FRMPD4: variants seen among roughly 807,000 people sequenced by gnomAD.
FRMPD4 encodes the protein FERM and PDZ domain-containing protein 4.
In FRMPD4, 22 loss-of-function variants were observed where a neutral mutation model predicts 94.1. The ratio of observed to expected loss-of-function variants is 0.23; its 90% CI spans 0.17 to 0.33. FRMPD4 has a LOEUF of 0.33. FRMPD4 is among the 10% of genes least tolerant of loss of function. The probability of loss-of-function intolerance (pLI) is 1.00; values close to 1 mark genes in which losing one functional copy is unlikely to be tolerated. For missense variants in FRMPD4, 1,111 were observed against 1,339.9 expected (o/e 0.83, Z 2.67); for synonymous variants, 631 against 548.6 (o/e 1.15, Z -2.10).
chrX:12,273,385 T>C (rs888909811), intron 1 of FRMPD4, among the ~76,000 whole-genome samples: 1 of 112,485 alleles, frequency 8.9e-6, no homozygotes, highest in Admixed American at 9.4e-5. Flanking sequence ...ACAGTATGAC[T>C]TTTTTAAGCA....
chrX:12,560,740 ATCTTTTTTTTTTTTTT>A (rs2058647697), intron 2 of FRMPD4, among the ~76,000 whole-genome samples: 1 of 51,766 alleles, frequency 1.9e-5, no homozygotes, highest in Non-Finnish European at 3.6e-5. Context: ...ACCTCCCCTC[ATCTTTTTTTTTTTTTT>A]TTTTTTTTTT....
chrX:12,643,324 C>T (rs1432810140), intron 4 of FRMPD4, among the ~76,000 whole-genome samples: 6 of 110,894 alleles, frequency 5.4e-5, no homozygotes, highest in African/African-American at 1.6e-4. Flanking sequence ...GGGTTCACTA[C>T]GTTGGCCAGT....
In FRMPD4 at chrX:12,293,355, T is replaced by C. The variant is rs1341013696; in HGVS notation, c.41+154343T>C. On this transcript the variant is annotated intron_variant, in intron 1 of 16. Transcript: ENST00000675598. The stretch of plus-strand genomic sequence containing the variant: ...TGTCTTATACAGTGGAGAATAAATA[T>C]GCAAATTGTTCTATTCTTTGAAATA... Among the ~76,000 whole-genome samples, 5 of 112,605 alleles carry C rather than the reference T, an allele frequency of 4.4e-5. No individual in the cohort carries two copies. The Admixed American group carries it at 4.7e-4, about 11-fold the overall frequency.
At chrX:12,561,065 G>A (rs193262952) in intron 2 of FRMPD4, among the ~76,000 whole-genome samples, 12 of 110,417 alleles carry the variant, frequency 1.1e-4, no homozygotes, top group African/African-American at 3.0e-4. Context: ...CACCGCGCCC[G>A]GCCCCCTCAT....
intron 4 of FRMPD4, among the ~76,000 whole-genome samples, chrX:12,642,959 C>G: frequency 9.0e-6 from 1 of 111,592 alleles, no homozygotes; most frequent in Non-Finnish European, 1.9e-5. Context: ...TGCTTTTGCT[C>G]TATGACTATA....
rs185054184 is a variant in FRMPD4 at position 12,201,647 on chromosome X, T to A, written c.41+62635T>A. ...TAATATTTTCTGTACCTTCTTAAGATGAGTCCAGAAAAAGCCTGTTTACTA... is the reference window on the plus strand; with the variant it reads ...TAATATTTTCTGTACCTTCTTAAGAAGAGTCCAGAAAAAGCCTGTTTACTA... On this transcript the variant is annotated intron_variant, in intron 1 of 16. Coordinates refer to ENST00000675598, the MANE Select transcript of FRMPD4 (RefSeq NM_001368397.1). Among the ~76,000 whole-genome samples, 109 of 112,055 alleles carry A rather than the reference T, an allele frequency of 9.7e-4. 10 individuals are homozygous for A. The East Asian group carries it at 0.015, about 15-fold the overall frequency.
chrX:12,414,936 G>GT (rs1443465824), intron 1 of FRMPD4, among the ~76,000 whole-genome samples: 1 of 111,750 alleles, frequency 8.9e-6, no homozygotes, highest in African/African-American at 3.3e-5. Context: ...TCAATACTAA[G>GT]TGGTAGAGTT....
In FRMPD4 at chrX:11,886,372, A is replaced by AT. The variant is rs987835918; in HGVS notation, c.95+8364dup. Among the ~76,000 whole-genome samples the AT allele has an allele frequency of 1.3e-3, 140 of 108,097 alleles. No individual in the cohort carries two copies. The Middle Eastern group carries it at 0.014, about 11-fold the overall frequency. 93.9% of individuals were successfully genotyped at this position (108,097 alleles called of 115,157 possible). A position where few individuals can be genotyped will look rare whatever the true frequency, so the allele number is the denominator to read the frequency against. On this transcript the variant is annotated intron_variant, in intron 3 of 18. Coordinates refer to the FRMPD4 transcript ENST00000640291. The stretch of plus-strand genomic sequence containing the variant: ...GAGAGGAGATCGATTTAGACAAACC[A>AT]TTTTTTTTTTCCTGATTACAAAGCA...
At chrX:11,866,844 C>T (rs2053722417) in intron 2 of FRMPD4, among the ~76,000 whole-genome samples, 1 of 110,613 alleles carries the variant, frequency 9.0e-6, no homozygotes, top group Non-Finnish European at 1.9e-5. Flanking sequence ...CTACTATTAG[C>T]CAATTTTTAA....
chrX:11,902,694 G>A (rs1404401701), intron 3 of FRMPD4, among the ~76,000 whole-genome samples: 3 of 111,166 alleles, frequency 2.7e-5, no homozygotes, highest in Non-Finnish European at 3.8e-5. Flanking sequence ...CTCACTTCAG[G>A]AATTTTCTCT....
At chrX:11,953,074 A>T (rs916904626) in intron 3 of FRMPD4, among the ~76,000 whole-genome samples, 1 of 111,291 alleles carries the variant, frequency 9.0e-6, no homozygotes, top group African/African-American at 3.3e-5. Context: ...AAAAATAAGT[A>T]GACCAACTCA....
intron 1 of FRMPD4, among the ~76,000 whole-genome samples, chrX:11,841,561 G>A (rs1253759990): frequency 9.1e-6 from 1 of 110,364 alleles, no homozygotes; most frequent in African/African-American, 3.3e-5. Context: ...AGACGTGTCT[G>A]TTCATATCCT....
intron 1 of FRMPD4, among the ~76,000 whole-genome samples, chrX:12,376,253 A>T (rs1023796979): frequency 8.9e-6 from 1 of 112,200 alleles, no homozygotes; most frequent in Non-Finnish European, 1.9e-5. Flanking sequence ...GCCTCATTCG[A>T]TTGTCCAGGC....
intron 1 of FRMPD4, among the ~76,000 whole-genome samples, chrX:12,229,007 C>T (rs1162989404): frequency 1.8e-5 from 2 of 112,148 alleles, no homozygotes; most frequent in Non-Finnish European, 1.9e-5. Context: ...AGTTTTTTAT[C>T]TCTTGTTTTC....
intron 13 of FRMPD4, among the ~76,000 whole-genome samples, 175 bp downstream of exon 13, chrX:12,707,826 C>A (rs1375127504): frequency 8.9e-6 from 1 of 112,469 alleles, no homozygotes; most frequent in African/African-American, 3.2e-5. Flanking sequence ...CACTAAATCG[C>A]TGTGTGATTG....
intron 3 of FRMPD4, among the ~76,000 whole-genome samples, chrX:11,946,994 C>T (rs1257776212): frequency 9.0e-6 from 1 of 111,525 alleles, no homozygotes; most frequent in Non-Finnish European, 1.9e-5. Flanking sequence ...GAGCCAATTC[C>T]CATAATAAAT....
At chrX:12,604,205 A>G (rs972466131) in intron 2 of FRMPD4, among the ~76,000 whole-genome samples, 2 of 111,058 alleles carry the variant, frequency 1.8e-5, no homozygotes, top group African/African-American at 6.5e-5. Flanking sequence ...TGAGGTTGAA[A>G]GGACGTATGC....
intron 1 of FRMPD4, among the ~76,000 whole-genome samples, chrX:11,846,690 T>C: frequency 9.3e-6 from 1 of 107,676 alleles, no homozygotes; most frequent in East Asian, 3.1e-4. Context: ...GAGATATAGA[T>C]CAATGGAACA....
intron 2 of FRMPD4, among the ~76,000 whole-genome samples, chrX:12,552,998 A>G (rs1281275458): frequency 3.6e-5 from 4 of 111,388 alleles, no homozygotes; most frequent in Non-Finnish European, 5.7e-5. Flanking sequence ...TCTCCAAAAA[A>G]TACAAGAGTT....
Sources: gnomAD v4.1 joint callset for allele counts (sites outside exome capture counted in the v4.1 genomes callset) on GRCh38, gnomAD v4.1.1 for gene constraint, MANE v1.5 for transcripts, NCBI Gene and HGNC (gene_info 2026-07-23, HGNC 2026-07-21) for gene names.